COBLL1: variants seen among roughly 807,000 people sequenced by gnomAD.
COBLL1 encodes the protein cordon-bleu WH2 repeat protein like 1.
In COBLL1, 50 loss-of-function variants were observed where a neutral mutation model predicts 94.8. The observed-to-expected ratio is 0.53, with a 90% confidence interval of 0.42 to 0.67. The LOEUF (loss-of-function observed/expected upper bound fraction) is 0.67. Among genes scored for constraint, COBLL1 ranks in the 30% least tolerant of loss-of-function variants. COBLL1 has a pLI of 0.00. For missense variants in COBLL1, 1,362 were observed against 1,348.7 expected (o/e 1.01, Z -0.15); for synonymous variants, 448 against 473.8 (o/e 0.95, Z 0.71).
intron 2 of COBLL1, among the ~76,000 whole-genome samples, chr2:164,781,381 A>T (rs547238104): frequency 2.0e-5 from 3 of 152,362 alleles, no homozygotes; most frequent in African/African-American, 7.2e-5. Flanking sequence ...ATTGCTACTA[A>T]CAAGTTGGAG....
At chr2:164,818,597 T>C (rs1318994543) in intron 2 of COBLL1, among the ~76,000 whole-genome samples, 1 of 147,634 alleles carries the variant, frequency 6.8e-6, no homozygotes, top group African/African-American at 2.5e-5. Flanking sequence ...TACACATATA[T>C]AGCATATGTG....
At chr2:164,788,776 G>A (rs1038100781) in intron 2 of COBLL1, among the ~76,000 whole-genome samples, 8 of 151,270 alleles carry the variant, frequency 5.3e-5, no homozygotes, top group Non-Finnish European at 1.2e-4. Context: ...ATCACCTAAG[G>A]TCAAGAGTTC....
At chr2:164,741,798 G>A (rs1215113164) in intron 3 of COBLL1, among the ~76,000 whole-genome samples, 1 of 152,068 alleles carries the variant, frequency 6.6e-6, no homozygotes, top group Non-Finnish European at 1.5e-5. Context: ...ATCTGATGCA[G>A]AATCTATCAG....
At chr2:164,709,807 G>A (rs1169712142) in intron 7 of COBLL1, among the ~76,000 whole-genome samples, 1 of 152,206 alleles carries the variant, frequency 6.6e-6, no homozygotes, top group Non-Finnish European at 1.5e-5. Context: ...CAATTATGTG[G>A]TCTGTCATAA....
intron 2 of COBLL1, among the ~76,000 whole-genome samples, chr2:164,818,904 A>G (rs778571744): frequency 6.6e-6 from 1 of 151,326 alleles, no homozygotes; most frequent in African/African-American, 2.4e-5. Flanking sequence ...TAAGTAGCTG[A>G]GACTACAGGT....
At chr2:164,701,747 G>A (rs745498785) in intron 9 of COBLL1, among the ~76,000 whole-genome samples, 20 of 152,156 alleles carry the variant, frequency 1.3e-4, no homozygotes, top group Non-Finnish European at 2.6e-4. Flanking sequence ...AGCAGTTAAT[G>A]TTCATGCTTA....
intron 2 of COBLL1, among the ~76,000 whole-genome samples, chr2:164,793,192 G>A (rs559305224): frequency 2.3e-4 from 35 of 152,118 alleles, no homozygotes; most frequent in Middle Eastern, 3.4e-3. Flanking sequence ...TTTATTCCTT[G>A]TGGAGTGACT....
At chr2:164,785,243 G>C (rs762859188) in intron 2 of COBLL1, among the ~76,000 whole-genome samples, 1 of 152,162 alleles carries the variant, frequency 6.6e-6, no homozygotes, top group Non-Finnish European at 1.5e-5. Flanking sequence ...ACAAAAATTA[G>C]CTGGGTGTAG....
chr2:164,808,916 G>A (rs1348006132), intron 2 of COBLL1, among the ~76,000 whole-genome samples: 4 of 152,010 alleles, frequency 2.6e-5, no homozygotes. Context: ...TAAGAACAAT[G>A]TTTCTTTTTA....
At chr2:164,662,502 A>T (rs778929926) in intron 2 of COBLL1, among the ~76,000 whole-genome samples, 7 of 152,214 alleles carry the variant, frequency 4.6e-5, no homozygotes, top group Non-Finnish European at 8.8e-5. Context: ...TCTGTTATGC[A>T]TTTAGCATTT....
intron 1 of COBLL1, among the ~76,000 whole-genome samples, chr2:164,667,199 C>T (rs1192686945): frequency 1.3e-5 from 2 of 151,966 alleles, no homozygotes; most frequent in East Asian, 3.9e-4. Flanking sequence ...ATCTTTTTTT[C>T]TAAGCAATTG....
chr2:164,722,304 C>T lies in COBLL1; in HGVS notation c.767G>A (p.Ser256Asn), dbSNP rs747146024. Reference sequence around the variant, plus strand: ...ATTTACTAGAGGGGTTGCAGGGGCACTTGCAGTCTAGTAAAGAATGACAAA... The same window carrying T: ...ATTTACTAGAGGGGTTGCAGGGGCATTTGCAGTCTAGTAAAGAATGACAAA... ...RSKKKRDQTA[S>N]APATPLVNKH... Residue 256 changes from serine (S) to asparagine (N), a missense_variant, in exon 7 of 14, where the codon AGT becomes AAT. Ser to Asn is a conservative substitution (Grantham distance 46). Transcript: ENST00000652658. 6 of 1,613,200 alleles carry T rather than the reference C, an allele frequency of 3.7e-6. No individual in the cohort carries two copies. The highest frequency in any genetic ancestry group is 1.7e-6 in the Non-Finnish European group (2 of 1,179,472).
rs1356232501 is a variant in COBLL1, at chr2:164,694,490, G to A, written c.2902C>T (p.Leu968=). The stretch of plus-strand genomic sequence containing the variant: ...GCACCAAAAGTTTTCAAAGTCTTCA[G>A]ATTTTGTGTGGATACCTGACTAGCA... ...IPASQVSTQN[L]KTLKTFGAPR... Residue 968 remains leucine (L), a synonymous_variant, in exon 12 of 14, where the codon CTG becomes TTG. Transcript: ENST00000652658. 1 of 1,613,868 alleles carries A rather than the reference G, an allele frequency of 6.2e-7. No individual in the cohort carries two copies. Among genetic ancestry groups the A allele is most frequent in the Non-Finnish European group, 8.5e-7 (1 of 1,179,940 alleles).
intron 5 of COBLL1, chr2:164,727,216 C>A: frequency 1.2e-6 from 1 of 838,660 alleles, no homozygotes; most frequent in South Asian, 2.0e-5. Context: ...TAAAACATCA[C>A]TGAGTTGAAA....
intron 2 of COBLL1, among the ~76,000 whole-genome samples, chr2:164,821,034 T>C (rs1685144006): frequency 6.6e-6 from 1 of 152,094 alleles, no homozygotes. Flanking sequence ...ATTACAGGCA[T>C]GCATCACCAT....
At chr2:164,805,599 AG>A (rs1684113022) in intron 2 of COBLL1, among the ~76,000 whole-genome samples, 1 of 151,502 alleles carries the variant, frequency 6.6e-6, no homozygotes, top group Admixed American at 6.6e-5. Flanking sequence ...TAGCCTTTTC[AG>A]TTAGGCTTCT....
intron 2 of COBLL1, among the ~76,000 whole-genome samples, chr2:164,794,848 G>C (rs1045870564): frequency 1.3e-5 from 2 of 152,210 alleles, no homozygotes; most frequent in African/African-American, 4.8e-5. Context: ...TTACATGTAA[G>C]AGCAAAAGAC....
rs189863785 is a variant in COBLL1, at chr2:164,733,482, C to T, written c.231-3367G>A. Among the ~76,000 whole-genome samples the T allele has an allele frequency of 3.0e-3, 463 of 152,220 alleles. 2 individuals carry two copies. Among genetic ancestry groups the T allele is most frequent in the South Asian group, 0.014 (67 of 4,828 alleles). On this transcript the variant is annotated intron_variant, in intron 3 of 13. Coordinates refer to ENST00000652658, the MANE Select transcript of COBLL1 (RefSeq NM_001365672.2). ...CACAGAAGTTCTTTATGAGTTTATTCTCTCATTTTATAATTCTAGGTCCAA... is the reference window on the plus strand; with the variant it reads ...CACAGAAGTTCTTTATGAGTTTATTTTCTCATTTTATAATTCTAGGTCCAA...
intron 2 of COBLL1, among the ~76,000 whole-genome samples, chr2:164,772,327 G>A (rs186237293): frequency 6.6e-6 from 1 of 151,948 alleles, no homozygotes; most frequent in East Asian, 1.9e-4. Flanking sequence ...TATTTTTATA[G>A]GAAATTTACA....
Sources: gnomAD v4.1 joint callset for allele counts (sites outside exome capture counted in the v4.1 genomes callset) on GRCh38, gnomAD v4.1.1 for gene constraint, MANE v1.5 for transcripts, NCBI Gene and HGNC (gene_info 2026-07-23, HGNC 2026-07-21) for gene names.